Variants in IFT56 observed in about 807,000 individuals in gnomAD.
The protein encoded by IFT56 is intraflagellar transport 56, also known as intraflagellar transport protein 56.
chr7:139,172,738 G>A, the IFT56 span: 1 of 630,410 alleles, frequency 1.6e-6, no homozygotes, highest in Admixed American at 1.8e-5. Context: ...AAATGTAAGA[G>A]GGTGGAAGCG....
At chr7:139,172,524 C>G in the IFT56 span, 2 of 482,534 alleles carry the variant, frequency 4.1e-6, no homozygotes, top group East Asian at 9.9e-5. Flanking sequence ...TAATAAATTG[C>G]CCGGAGATTC....
the IFT56 span, among the ~76,000 whole-genome samples, chr7:139,183,952 A>G: frequency 1.3e-5 from 2 of 152,260 alleles, no homozygotes; most frequent in African/African-American, 4.8e-5. Flanking sequence ...AAAAGGAACT[A>G]TAATGAGAAG....
the IFT56 span, among the ~76,000 whole-genome samples, chr7:139,170,755 G>A: frequency 6.6e-6 from 1 of 152,160 alleles, no homozygotes; most frequent in Non-Finnish European, 1.5e-5. Flanking sequence ...CATATTGAAT[G>A]GGGAAAGTGG....
chr7:139,174,060 G>A, the IFT56 span: 1 of 607,666 alleles, frequency 1.6e-6, no homozygotes, highest in Non-Finnish European at 3.2e-6. Flanking sequence ...CAGGCAACCT[G>A]CAGCACTTCT....
the IFT56 span, chr7:139,172,595 C>T: frequency 2.8e-5 from 16 of 580,776 alleles, no homozygotes; most frequent in East Asian, 4.5e-5. Flanking sequence ...AAAGTAATCA[C>T]GGTATTCTGC....
chr7:139,155,501 G>C, the IFT56 span, among the ~76,000 whole-genome samples: 1 of 152,100 alleles, frequency 6.6e-6, no homozygotes, highest in African/African-American at 2.4e-5. Context: ...ATCATGAAAG[G>C]ATGTTAATGG....
At chr7:139,182,919 G>C in the IFT56 span, among the ~76,000 whole-genome samples, 1 of 152,186 alleles carries the variant, frequency 6.6e-6, no homozygotes, top group African/African-American at 2.4e-5. Context: ...GTAAGAGGTA[G>C]AGAATAGAGT....
At chr7:139,135,510 T>C in the IFT56 span, among the ~76,000 whole-genome samples, 3 of 152,210 alleles carry the variant, frequency 2.0e-5, no homozygotes, top group Non-Finnish European at 4.4e-5. Flanking sequence ...GTTGAAAATA[T>C]AGCCCCAGAA....
the IFT56 span, among the ~76,000 whole-genome samples, chr7:139,184,111 C>A: frequency 5.3e-5 from 8 of 152,176 alleles, no homozygotes; most frequent in Admixed American, 5.2e-4. Context: ...CCACACAAGC[C>A]CCTGCCCATG....
At chr7:139,186,693 A>G in the IFT56 span, among the ~76,000 whole-genome samples, 1 of 152,236 alleles carries the variant, frequency 6.6e-6, no homozygotes, top group Non-Finnish European at 1.5e-5. Context: ...AATGAATGAT[A>G]GTAGTCATCT....
chr7:139,178,470 T>A, the IFT56 span: 6 of 1,560,338 alleles, frequency 3.8e-6, no homozygotes, highest in Non-Finnish European at 5.3e-6. Context: ...GGTTATATTT[T>A]ATATGTTAAT....
the IFT56 span, chr7:139,173,198 T>C: frequency 1.8e-6 from 1 of 550,448 alleles, no homozygotes; most frequent in Non-Finnish European, 3.3e-6. Flanking sequence ...CTTTCCTTAA[T>C]TGGAAAAAAA....
the IFT56 span, chr7:139,148,509 A>C: frequency 1.3e-6 from 1 of 772,400 alleles, no homozygotes; most frequent in Middle Eastern, 2.5e-4. Context: ...CTGTGATTCT[A>C]TAAGAACCTA....
the IFT56 span, among the ~76,000 whole-genome samples, chr7:139,163,340 T>TAAAAAAAAA: frequency 8.0e-6 from 1 of 124,648 alleles, no homozygotes. Flanking sequence ...AGACTCCATC[T>TAAAAAAAAA]AAAAAAAAAA....
chr7:139,173,596 G>T, the IFT56 span: 3 of 819,666 alleles, frequency 3.7e-6, no homozygotes, highest in Non-Finnish European at 6.5e-6. Context: ...TGTAATCAAA[G>T]GTTATTCTTA....
chr7:139,189,211 C>A, the IFT56 span: 1 of 720,438 alleles, frequency 1.4e-6, no homozygotes, highest in Non-Finnish European at 2.3e-6. Context: ...GAGTCTATTA[C>A]CAAAAATGCC....
chr7:139,189,679 A>C, the IFT56 span: 2 of 282,986 alleles, frequency 7.1e-6, no homozygotes, highest in Non-Finnish European at 1.3e-5. Context: ...CCTTTCTTCC[A>C]AAAATGCTCA....
At chr7:139,156,558 T>C in the IFT56 span, among the ~76,000 whole-genome samples, 2 of 152,174 alleles carry the variant, frequency 1.3e-5, no homozygotes, top group Non-Finnish European at 2.9e-5. Flanking sequence ...ATTTTGTTTT[T>C]GGTTTCTTTG....
chr7:139,136,160 G>A, the IFT56 span, among the ~76,000 whole-genome samples: 1 of 151,916 alleles, frequency 6.6e-6, no homozygotes, highest in Admixed American at 6.6e-5. Context: ...CCTGGCCTCA[G>A]GTGATCCACC....
Sources: gnomAD v4.1 joint callset for allele counts (sites outside exome capture counted in the v4.1 genomes callset) on GRCh38, gnomAD v4.1.1 for gene constraint, MANE v1.5 for transcripts, NCBI Gene and HGNC (gene_info 2026-07-23, HGNC 2026-07-21) for gene names.